The following LMF1 variants were observed in gnomAD, a reference collection of about 807,000 sequenced individuals.
LMF1 encodes lipase maturation factor 1, also known as transmembrane protein 112.
In LMF1, 68 loss-of-function variants were observed where a neutral mutation model predicts 60.6. The ratio of observed to expected loss-of-function variants is 1.12; its 90% CI spans 0.92 to 1.37. The LOEUF is 1.37. Ranked by LOEUF, LMF1 falls within the 40% of genes most tolerant of loss-of-function variation. LMF1 has a pLI of 0.00. For missense variants in LMF1, 948 were observed against 767.2 expected, an observed-to-expected ratio of 1.24 and a Z score of -2.78; for synonymous variants, 418 against 324.7, an observed-to-expected ratio of 1.29 and a Z score of -3.09.
chr16:976,169 C>G, intron 1 of LMF1: 1 of 452,710 alleles, frequency 2.2e-6, no homozygotes, highest in Non-Finnish European at 4.4e-6. Context: ...CAGAGGACCT[C>G]AGCCCCCCAG....
At chr16:934,629 A>C (rs945274233) in intron 2 of LMF1, 6 of 300,270 alleles carry the variant, frequency 2.0e-5, no homozygotes, top group Admixed American at 4.9e-5. Context: ...CCTCGAGCGC[A>C]GCTCATTAGA....
intron 2 of LMF1, 107 bp downstream of exon 2, chr16:954,250 T>C: frequency 1.7e-6 from 2 of 1,187,470 alleles, no homozygotes; most frequent in African/African-American, 1.5e-5. Context: ...CCTGAAGGAA[T>C]TTAAGATAAA....
intron 4 of LMF1, among the ~76,000 whole-genome samples, chr16:909,490 G>A (rs931104018): frequency 4.6e-5 from 7 of 152,038 alleles, no homozygotes; most frequent in African/African-American, 1.7e-4. Context: ...CACGCTATGC[G>A]CTATACTGAG....
upstream of LMF1, among the ~76,000 whole-genome samples, chr16:972,091 C>T (rs1472933481): frequency 2.0e-5 from 3 of 152,174 alleles, no homozygotes; most frequent in African/African-American, 7.2e-5. Flanking sequence ...GCAGTGTGAG[C>T]CTTGTGTGGG....
chr16:963,705 A>T (rs1180256674), intron 1 of LMF1, among the ~76,000 whole-genome samples: 2 of 152,060 alleles, frequency 1.3e-5, no homozygotes, highest in African/African-American at 2.4e-5. Context: ...CCCTCACCAC[A>T]ACGCAAACTC....
intron 3 of LMF1, among the ~76,000 whole-genome samples, chr16:926,310 T>C (rs1275319466): frequency 6.6e-6 from 1 of 151,928 alleles, no homozygotes; most frequent in Non-Finnish European, 1.5e-5. Flanking sequence ...TGTGTGCATG[T>C]ATGTGCGTGT....
At chr16:888,692 G>A (rs1173519587) in intron 5 of LMF1, among the ~76,000 whole-genome samples, 3 of 152,074 alleles carry the variant, frequency 2.0e-5, no homozygotes, top group South Asian at 2.1e-4. Context: ...GTCCCTGGTC[G>A]ACAGACGGAG....
chr16:888,514 C>T (rs1391985173), intron 5 of LMF1, among the ~76,000 whole-genome samples: 1 of 152,196 alleles, frequency 6.6e-6, no homozygotes, highest in African/African-American at 2.4e-5. Flanking sequence ...AGAGAGAGGA[C>T]AGGCCCGGAT....
intron 3 of LMF1, chr16:933,290 T>C (rs2071844616): frequency 6.6e-6 from 1 of 152,260 alleles, no homozygotes; most frequent in Admixed American, 6.5e-5. Context: ...CCTTTGTATT[T>C]ACGTTTTAAC....
intron 4 of LMF1, chr16:905,138 CCCA>C (rs2070940544): frequency 6.0e-6 from 1 of 165,990 alleles, no homozygotes; most frequent in Non-Finnish European, 1.3e-5. Context: ...CTCTGCACTG[CCCA>C]CAGGACGCCT....
At chr16:890,458 C>T (rs777854234) in intron 5 of LMF1, among the ~76,000 whole-genome samples, 2 of 152,098 alleles carry the variant, frequency 1.3e-5, no homozygotes, top group Admixed American at 6.5e-5. Flanking sequence ...CAGAGCCTCA[C>T]GCTGCCTGGC....
intron 4 of LMF1, among the ~76,000 whole-genome samples, chr16:908,712 C>A (rs1271359922): frequency 6.6e-6 from 1 of 152,236 alleles, no homozygotes; most frequent in Non-Finnish European, 1.5e-5. Flanking sequence ...TCCTGGGAGG[C>A]GGAGCCAGCC....
chr16:956,351 G>C (rs1001381494), intron 1 of LMF1, among the ~76,000 whole-genome samples: 7 of 152,180 alleles, frequency 4.6e-5, no homozygotes, highest in Non-Finnish European at 1.0e-4. Context: ...CTTACCCAGA[G>C]ATGCTGACAG....
intron 1 of LMF1, among the ~76,000 whole-genome samples, chr16:977,779 G>C (rs2073193370): frequency 6.6e-6 from 1 of 151,818 alleles, no homozygotes; most frequent in Admixed American, 6.6e-5. Flanking sequence ...GCATTTCCCT[G>C]GGCAGCCCTG....
intron 10 of LMF1, among the ~76,000 whole-genome samples, chr16:857,481 T>C (rs1306858193): frequency 8.9e-6 from 1 of 112,776 alleles, no homozygotes; most frequent in African/African-American, 3.7e-5. Flanking sequence ...GTGTGAGTGG[T>C]GTCACCGGAC....
At chr16:877,146 C>T (rs368518594) in intron 6 of LMF1, among the ~76,000 whole-genome samples, 1 of 152,112 alleles carries the variant, frequency 6.6e-6, no homozygotes, top group African/African-American at 2.4e-5. Context: ...GACTGGGCAA[C>T]ATAGCGAGAC....
At position 954,113 on chromosome 16, in the gene LMF1, G is replaced by A. The variant is rs1259999520; in HGVS notation, c.503+244C>T. 1.4e-5 allele frequency: 9 copies of A among 624,980 alleles called. No homozygotes were observed. The Admixed American group carries it at 1.5e-4, about 10-fold the overall frequency. The allele number at this position is 624,980 out of a possible 1,614,324, so 38.7% of individuals were successfully genotyped here. ...CCATCCCTCTGGCTCCAGTAAGCTGGCAACGCAGTCCTTTAAGTAAGGAAG... is the reference window on the plus strand; with the variant it reads ...CCATCCCTCTGGCTCCAGTAAGCTGACAACGCAGTCCTTTAAGTAAGGAAG... On this transcript the variant is annotated intron_variant, in intron 2 of 10. Transcript: ENST00000262301.
chr16:926,466 G>A (rs1052046323), intron 3 of LMF1, among the ~76,000 whole-genome samples: 3 of 152,110 alleles, frequency 2.0e-5, no homozygotes, highest in Non-Finnish European at 2.9e-5. Flanking sequence ...ATCTGCATAC[G>A]TGTGTCTGTG....
At chr16:968,700 G>A (rs2072976717) in intron 1 of LMF1, 1 of 152,238 alleles carries the variant, frequency 6.6e-6, no homozygotes, top group South Asian at 2.1e-4. Flanking sequence ...ATATGTCAAG[G>A]AGAAATGTTC....
Sources: gnomAD v4.1 joint callset for allele counts (sites outside exome capture counted in the v4.1 genomes callset) on GRCh38, gnomAD v4.1.1 for gene constraint, MANE v1.5 for transcripts, NCBI Gene and HGNC (gene_info 2026-07-23, HGNC 2026-07-21) for gene names.